SORCS3: variants seen among roughly 807,000 people sequenced by gnomAD.
The protein encoded by SORCS3 is VPS10 domain-containing receptor SorCS3.
Under a neutral mutation model 146.3 loss-of-function variants are expected in SORCS3, and 57 were observed. The observed-to-expected ratio is 0.39, with a 90% CI of 0.31 to 0.49. The LOEUF (loss-of-function observed/expected upper bound fraction) is 0.49, where lower values mean the gene tolerates loss of function less well. SORCS3 is among the 20% of genes least tolerant of loss of function. The pLI is 0.92. For missense variants in SORCS3, 1,341 were observed against 1,575.5 expected (o/e 0.85, Z 2.52); for synonymous variants, 653 against 618.5 (o/e 1.06, Z -0.83).
At chr10:105,088,474 A>G (rs751915240) in intron 5 of SORCS3, among the ~76,000 whole-genome samples, 1 of 151,918 alleles carries the variant, frequency 6.6e-6, no homozygotes, top group Non-Finnish European at 1.5e-5. Context: ...ATTTTAACCA[A>G]TAAAAATCAT....
chr10:104,742,118 G>A lies in SORCS3; in HGVS notation c.627+100164G>A, dbSNP rs762713770. On this transcript the variant is annotated intron_variant, in intron 1 of 26. Transcript: ENST00000369701. ...CATGATAGTGGTGGGGGACAGGGGA[G>A]GGGAGGTGCTACCTTGTTACTGCCA... is the stretch of plus-strand genomic sequence containing the variant. 1.1e-3 allele frequency among the ~76,000 whole-genome samples: 160 copies of A among 152,170 alleles called. 1 individual carries two copies. Among genetic ancestry groups the A allele is most frequent in the Non-Finnish European group, 9.6e-4 (65 of 68,014 alleles).
rs376819699 is a variant in SORCS3, at chr10:105,170,474, T to A, written c.1901+3125T>A. ...TCCTCTTATAATAACAATGATAATA[T>A]CACCCTCCATTTGTTTGGCTGTTCT... is the stretch of plus-strand genomic sequence containing the variant. On this transcript the variant is annotated intron_variant, in intron 13 of 26. Transcript: ENST00000369701. Among the ~76,000 whole-genome samples, 8 of 152,236 alleles carry A rather than the reference T, an allele frequency of 5.3e-5. No individual in the cohort carries two copies. In the East Asian group the frequency reaches 1.4e-3, roughly 26 times the overall value.
intron 4 of SORCS3, among the ~76,000 whole-genome samples, chr10:105,001,394 G>C (rs1054103122): frequency 1.3e-5 from 2 of 152,206 alleles, no homozygotes; most frequent in Non-Finnish European, 2.9e-5. Context: ...ATTGGATTTG[G>C]CAATTTTCTA....
chr10:105,063,204 A>G (rs73342230), intron 5 of SORCS3, among the ~76,000 whole-genome samples: 8,984 of 152,314 alleles, frequency 0.059, 288 homozygotes, highest in Middle Eastern at 0.088. Context: ...ATGAGGCTGT[A>G]TAATGACTAA....
chr10:104,999,293 A>T (rs2055047110), intron 4 of SORCS3, among the ~76,000 whole-genome samples: 1 of 152,130 alleles, frequency 6.6e-6, no homozygotes, highest in South Asian at 2.1e-4. Context: ...TCCAACCCTG[A>T]AAACGTTTGT....
intron 1 of SORCS3, among the ~76,000 whole-genome samples, chr10:104,676,350 C>T (rs2015912800): frequency 6.6e-6 from 1 of 152,050 alleles, no homozygotes; most frequent in African/African-American, 2.4e-5. Flanking sequence ...GTTATGGATG[C>T]TTTTTACTAG....
At chr10:104,743,433 T>G (rs2016873153) in intron 1 of SORCS3, among the ~76,000 whole-genome samples, 1 of 152,316 alleles carries the variant, frequency 6.6e-6, no homozygotes, top group South Asian at 2.1e-4. Context: ...AATGCAAAAG[T>G]CTTCTTTGTC....
intron 1 of SORCS3, among the ~76,000 whole-genome samples, chr10:104,673,283 T>A (rs1298443662): frequency 1.3e-5 from 2 of 152,202 alleles, no homozygotes; most frequent in Non-Finnish European, 2.9e-5. Flanking sequence ...GGTACTTACT[T>A]CTGACATGTT....
chr10:104,889,671 A>G (rs990459379), intron 2 of SORCS3, among the ~76,000 whole-genome samples: 4 of 152,112 alleles, frequency 2.6e-5, no homozygotes, highest in Non-Finnish European at 5.9e-5. Context: ...AGAGGCATAC[A>G]TTTTATTTCT....
chr10:105,154,034 C>A (rs888637292), intron 9 of SORCS3, among the ~76,000 whole-genome samples: 2 of 135,150 alleles, frequency 1.5e-5, no homozygotes, highest in African/African-American at 5.5e-5. Context: ...GGTGCCACTG[C>A]ACTCTAGCCC....
intron 3 of SORCS3, among the ~76,000 whole-genome samples, chr10:104,959,272 C>A (rs776083817): frequency 5.3e-5 from 8 of 152,094 alleles, no homozygotes; most frequent in African/African-American, 1.7e-4. Context: ...TCATATAAAT[C>A]GTAGGATTCA....
At chr10:104,770,892 A>G (rs931590041) in intron 1 of SORCS3, among the ~76,000 whole-genome samples, 1 of 152,220 alleles carries the variant, frequency 6.6e-6, no homozygotes, top group African/African-American at 2.4e-5. Context: ...AATTTACTTA[A>G]CCTGGTATAT....
intron 12 of SORCS3, among the ~76,000 whole-genome samples, chr10:105,166,811 C>T (rs576448244): frequency 1.3e-5 from 2 of 152,036 alleles, no homozygotes; most frequent in South Asian, 4.2e-4. Context: ...CTTTTAAGTT[C>T]CTAGATAATG....
Position 105,209,094 on chromosome 10 carries a change from G to A in SORCS3, c.2262-2043G>A, listed in dbSNP as rs116796892. Among the ~76,000 whole-genome samples, 496 of 152,282 alleles carry A rather than the reference G, an allele frequency of 3.3e-3. 4 individuals carry two copies. The highest frequency in any genetic ancestry group is 0.011 in the African/African-American group (461 of 41,556). On this transcript the variant is annotated intron_variant, in intron 16 of 26. Coordinates refer to ENST00000369701, the MANE Select transcript of SORCS3 (RefSeq NM_014978.3). ...TTGTAGCATCAGTTATGGGCCCACA[G>A]TCTTCCTGCAGAGATAGATGTAATG...
chr10:104,971,410 A>G (rs2054859754), intron 3 of SORCS3, among the ~76,000 whole-genome samples: 1 of 152,350 alleles, frequency 6.6e-6, no homozygotes, highest in South Asian at 2.1e-4. Flanking sequence ...GTCCTCACGG[A>G]CTTATTCTTT....
At chr10:104,791,478 C>T (rs967522115) in intron 1 of SORCS3, among the ~76,000 whole-genome samples, 5 of 152,094 alleles carry the variant, frequency 3.3e-5, no homozygotes, top group South Asian at 2.1e-4. Context: ...AAAAGAGGCT[C>T]GGTGAGGTTC....
intron 1 of SORCS3, among the ~76,000 whole-genome samples, chr10:104,819,632 T>C (rs2017849961): frequency 1.3e-5 from 2 of 152,242 alleles, no homozygotes; most frequent in Admixed American, 6.5e-5. Context: ...TTCCATGTGC[T>C]GGGCAGTGGG....
intron 7 of SORCS3, among the ~76,000 whole-genome samples, chr10:105,132,683 C>A (rs2056029251): frequency 6.6e-6 from 1 of 152,120 alleles, no homozygotes; most frequent in Non-Finnish European, 1.5e-5. Context: ...TGTTTAATGG[C>A]CAATGCATTT....
At chr10:104,987,990 A>G (rs2054972080) in intron 4 of SORCS3, among the ~76,000 whole-genome samples, 1 of 152,298 alleles carries the variant, frequency 6.6e-6, no homozygotes, top group East Asian at 1.9e-4. Context: ...ATAGAGATAC[A>G]TGTCCTGAAG....
Sources: allele counts gnomAD v4.1 joint callset (sites outside exome capture counted in the v4.1 genomes callset), GRCh38; gene constraint gnomAD v4.1.1; transcripts MANE v1.5; gene names NCBI Gene and HGNC (gene_info 2026-07-23, HGNC 2026-07-21).